The following TOP1 variants were observed in gnomAD, a reference collection of about 807,000 sequenced individuals.
TOP1 encodes the protein DNA topoisomerase I.
A neutral mutation model predicts 111.1 loss-of-function variants in TOP1; 10 were observed. The ratio of observed to expected loss-of-function variants is 0.09; its 90% confidence interval spans 0.06 to 0.15. The LOEUF is 0.15. TOP1 is among the 10% of genes least tolerant of loss of function. The pLI is 1.00. For synonymous variants in TOP1, 271 were observed against 302.9 expected (o/e 0.89, Z 1.10); for missense variants, 474 against 926.7 (o/e 0.51, Z 6.34).
At position 41,047,422 on chromosome 20, in the gene TOP1, C is replaced by T. The variant is rs372301712; in HGVS notation, c.59-13972C>T. Among the ~76,000 whole-genome samples the T allele has an allele frequency of 3.5e-4, 54 of 152,304 alleles. 1 individual carries two copies. The East Asian group carries it at 4.8e-3, about 14-fold the overall frequency. On this transcript the variant is annotated intron_variant, in intron 2 of 20. Transcript: ENST00000361337. ...TGTAGCCTAGGAGCAACAGGCTATACCATATAGCCTAGGCGGTAGTAGGCT... is the reference window on the plus strand; with the variant it reads ...TGTAGCCTAGGAGCAACAGGCTATATCATATAGCCTAGGCGGTAGTAGGCT...
chr20:41,074,383 T>G (rs1274549452), intron 3 of TOP1, among the ~76,000 whole-genome samples: 1 of 152,140 alleles, frequency 6.6e-6, no homozygotes, highest in Non-Finnish European at 1.5e-5. Flanking sequence ...AGAATTTTCC[T>G]CCTATAGAAA....
chr20:41,121,582 C>G lies in TOP1; in HGVS notation c.1951-114C>G. 2 of 793,666 alleles carry G rather than the reference C, an allele frequency of 2.5e-6. No homozygotes were observed. Among genetic ancestry groups the G allele is most frequent in the East Asian group, 2.5e-5 (1 of 40,580 alleles). 49.2% of individuals were successfully genotyped at this position (793,666 alleles called of 1,614,324 possible). ...TGAAGCCACCCTTGTTTTTTTTTATCTGACAAACCACTGACAGAGACAGCC... is the reference window on the plus strand; with the variant it reads ...TGAAGCCACCCTTGTTTTTTTTTATGTGACAAACCACTGACAGAGACAGCC... On this transcript the variant is annotated intron_variant, in intron 18 of 20. Transcript: ENST00000361337. This position sits in a 1 kb window ranked among gnomAD's most constrained non-coding sequence, Gnocchi z 4.2.
Position 41,030,105 on chromosome 20 carries a change from T to C in TOP1, c.58+650T>C, listed in dbSNP as rs2033099434. On this transcript the variant is annotated intron_variant, in intron 2 of 20. Transcript: ENST00000361337. The surrounding 1 kb of genome is among the most constrained non-coding windows in gnomAD (Gnocchi z 4.1). Reference sequence around the variant, plus strand: ...GCCACGCTTTGTGGAGTTCTTTATATTTCCAGGTTGTTTTTCCCAAGTTAC... The same window carrying C: ...GCCACGCTTTGTGGAGTTCTTTATACTTCCAGGTTGTTTTTCCCAAGTTAC... 6.6e-6 allele frequency among the ~76,000 whole-genome samples: 1 copy of C among 152,204 alleles called. No homozygotes were observed. The highest frequency in any genetic ancestry group is 1.5e-5 in the Non-Finnish European group (1 of 68,040).
At chr20:41,089,020 C>CTTTTGTTTTTTTTTTTTTTTTTTTTTT (rs2033883543) in intron 8 of TOP1, among the ~76,000 whole-genome samples, 1 of 77,926 alleles carries the variant, frequency 1.3e-5, no homozygotes, top group African/African-American at 6.3e-5. Flanking sequence ...TGCCCCAGTT[C>CTTTTGTTTTTTTTTTTTTTTTTTTTTT]TTTTTTTTTT....
chr20:41,107,749 T>A (rs2034169959), intron 13 of TOP1, among the ~76,000 whole-genome samples: 1 of 152,222 alleles, frequency 6.6e-6, no homozygotes, highest in Non-Finnish European at 1.5e-5. Flanking sequence ...CTTTTGAAAT[T>A]TCTGTTTGTA....
rs551797666 is a variant in TOP1 at position 41,112,632 on chromosome 20, T to C, written c.1309-150T>C. ...CGTGATCTTGGCTCACTGCAACCTC[T>C]GCCTCCTGCGTTCAAGCAATTCTTG... On this transcript the variant is annotated intron_variant, in intron 13 of 20. Coordinates refer to ENST00000361337, the MANE Select transcript of TOP1 (RefSeq NM_003286.4). This position sits in a 1 kb window ranked among gnomAD's most constrained non-coding sequence, Gnocchi z 5.8. 2.0e-4 allele frequency: 157 copies of C among 773,198 alleles called. 2 individuals carry two copies. The African/African-American group carries it at 2.5e-3, about 12-fold the overall frequency. 47.9% of individuals were successfully genotyped at this position (773,198 alleles called of 1,614,324 possible). A position where few individuals can be genotyped will look rare whatever the true frequency, so the allele number is the denominator to read the frequency against.
Position 41,091,551 on chromosome 20 carries a change from CCTT to C in TOP1, c.615-920_615-918del, listed in dbSNP as rs1397936003. Among the ~76,000 whole-genome samples, 6 of 118,584 alleles carry C rather than the reference CCTT, an allele frequency of 5.1e-5. 1 individual carries two copies. Among genetic ancestry groups the C allele is most frequent in the African/African-American group, 2.0e-4 (6 of 29,870 alleles). 77.8% of individuals were successfully genotyped at this position (118,584 alleles called of 152,430 possible). On this transcript the variant is annotated intron_variant, in intron 8 of 20. Transcript: ENST00000361337. ...AATAGGAAATGTAGCAAATTATTAA[CCTT>C]TTTTTTTTTTTTTTTTTTTTGAGAT...
rs2033100025 is a variant in TOP1, at chr20:41,030,134, C to T, written c.58+679C>T. 6.6e-6 allele frequency among the ~76,000 whole-genome samples: 1 copy of T among 151,922 alleles called. No homozygotes were observed. Among genetic ancestry groups the T allele is most frequent in the Non-Finnish European group, 1.5e-5 (1 of 67,974 alleles). On this transcript the variant is annotated intron_variant, in intron 2 of 20. Coordinates refer to ENST00000361337, the MANE Select transcript of TOP1 (RefSeq NM_003286.4). This position sits in a 1 kb window ranked among gnomAD's most constrained non-coding sequence, Gnocchi z 4.1. ...CAGGTTGTTTTTCCCAAGTTACGTT[C>T]TTTGCAAAGGTAGCAGTACCTCCCT...
chr20:41,035,429 C>T (rs1057320553), intron 2 of TOP1, among the ~76,000 whole-genome samples: 5 of 152,136 alleles, frequency 3.3e-5, no homozygotes, highest in African/African-American at 1.2e-4. Flanking sequence ...GAACACAGTT[C>T]ATTAGCATTC....
chr20:41,074,074 C>T (rs1232860505), intron 3 of TOP1, among the ~76,000 whole-genome samples: 1 of 152,168 alleles, frequency 6.6e-6, no homozygotes, highest in Non-Finnish European at 1.5e-5. Flanking sequence ...TATACATTAA[C>T]TCCTGAAGAA....
chr20:41,105,007 C>T (rs117946824), intron 13 of TOP1, among the ~76,000 whole-genome samples: 4,657 of 152,264 alleles, frequency 0.031, 111 homozygotes, highest in Non-Finnish European at 0.039. Flanking sequence ...CGTATGTCCA[C>T]CATCTGGCTT....
chr20:41,113,109 CT>C (rs373560590), intron 14 of TOP1, among the ~76,000 whole-genome samples, 184 bp downstream of exon 14: 1 of 152,174 alleles, frequency 6.6e-6, no homozygotes, highest in Non-Finnish European at 1.5e-5. Context: ...AGATTCTGAT[CT>C]TTTTTTAACT....
chr20:41,035,928 C>T (rs1253244588), intron 2 of TOP1, among the ~76,000 whole-genome samples: 1 of 152,168 alleles, frequency 6.6e-6, no homozygotes, highest in African/African-American at 2.4e-5. Flanking sequence ...CTTAACCTGA[C>T]TCCAGTAAGG....
chr20:41,052,309 AG>A (rs1041090031), intron 2 of TOP1, among the ~76,000 whole-genome samples: 4 of 152,202 alleles, frequency 2.6e-5, no homozygotes, highest in Non-Finnish European at 5.9e-5. Context: ...CTATCACATT[AG>A]GGTTTGGTCA....
intron 3 of TOP1, among the ~76,000 whole-genome samples, chr20:41,066,559 T>TC (rs950698862): frequency 6.9e-6 from 1 of 144,662 alleles, no homozygotes; most frequent in Non-Finnish European, 1.5e-5. Context: ...TTTCTTTTCT[T>TC]TTTTTTTTTT....
rs532570747 is a variant in TOP1 at position 41,084,518 on chromosome 20, A to AGAC, written c.566_567insCGA (p.Asp189dup). The AGAC allele has an allele frequency of 8.5e-4, 1,344 of 1,580,644 alleles. 20 individuals carry two copies. In the South Asian group the frequency reaches 0.015, roughly 17 times the overall value. ...ATAAAGATAAAAAAGTTCCTGAGCC[A>AGAC]GATAACAAGAAAAAGAAGCCGAAGA... On this transcript the variant is annotated inframe_insertion, in exon 8 of 21. Transcript: ENST00000361337.
chr20:41,061,319 G>T lies in TOP1; in HGVS notation c.59-75G>T. ...TTTGAATCCTGTCATTGTACTTCTTGACCAGCTTGTCAAGGTAGGCATACA... is the reference window on the plus strand; with the variant it reads ...TTTGAATCCTGTCATTGTACTTCTTTACCAGCTTGTCAAGGTAGGCATACA... On this transcript the variant is annotated intron_variant, in intron 2 of 20. Coordinates refer to ENST00000361337, the MANE Select transcript of TOP1 (RefSeq NM_003286.4). The surrounding 1 kb of genome is among the most constrained non-coding windows in gnomAD (Gnocchi z 4.6). The T allele has an allele frequency of 7.2e-7, 1 of 1,396,998 alleles. No individual in the cohort carries two copies. The highest frequency in any genetic ancestry group is 1.3e-5 in the South Asian group (1 of 79,296). 86.5% of individuals were successfully genotyped at this position (1,396,998 alleles called of 1,614,324 possible). A position where few individuals can be genotyped will look rare whatever the true frequency, so the allele number is the denominator to read the frequency against.
At chr20:41,063,851 G>A (rs1033158131) in intron 3 of TOP1, among the ~76,000 whole-genome samples, 1 of 152,032 alleles carries the variant, frequency 6.6e-6, no homozygotes, top group Middle Eastern at 3.4e-3. Context: ...CCTGTTAGAC[G>A]CATAGTTAGT....
Position 41,029,523 on chromosome 20 carries a change from G to A in TOP1, c.58+68G>A, listed in dbSNP as rs968577482. 7.7e-7 allele frequency: 1 copy of A among 1,303,774 alleles called. No homozygotes were observed. Among genetic ancestry groups the A allele is most frequent in the Admixed American group, 1.9e-5 (1 of 51,306 alleles). The allele number at this position is 1,303,774 out of a possible 1,614,324, so 80.8% of individuals were successfully genotyped here. A position where few individuals can be genotyped will look rare whatever the true frequency, so the allele number is the denominator to read the frequency against. On this transcript the variant is annotated intron_variant, in intron 2 of 20. Transcript: ENST00000361337. This position sits in a 1 kb window ranked among gnomAD's most constrained non-coding sequence, Gnocchi z 6.1. ...CGGCCGCCTCCCCCGCGCCCTGCCG[G>A]TGCCGGGCAGAGGACAGACATGGCG...
Sources: gnomAD v4.1 joint callset for allele counts (sites outside exome capture counted in the v4.1 genomes callset) on GRCh38, gnomAD v4.1.1 for gene constraint, Gnocchi (gnomAD v3.1) non-coding constraint, MANE v1.5 for transcripts, NCBI Gene and HGNC (gene_info 2026-07-23, HGNC 2026-07-21) for gene names.